Variants in NRG3 observed in about 807,000 individuals in gnomAD.
NRG3 encodes neuregulin 3.
In NRG3, 31 loss-of-function variants were observed where a neutral mutation model predicts 66.9. The observed-to-expected ratio is 0.46, with a 90% CI of 0.35 to 0.63. The LOEUF is 0.63. NRG3 is among the 20% of genes least tolerant of loss of function. NRG3 has a pLI of 0.00. For missense variants in NRG3, 910 were observed against 878.9 expected, an observed-to-expected ratio of 1.04 and a Z score of -0.45; for synonymous variants, 393 against 359.4, an observed-to-expected ratio of 1.09 and a Z score of -1.06.
intron 2 of NRG3, among the ~76,000 whole-genome samples, chr10:82,702,165 G>A (rs531424339): frequency 6.6e-6 from 1 of 152,244 alleles, no homozygotes; most frequent in South Asian, 2.1e-4. Context: ...ATCTCATCTT[G>A]TAAAAGTAAA....
chr10:82,782,769 T>C (rs2060172200), intron 3 of NRG3, among the ~76,000 whole-genome samples: 1 of 152,186 alleles, frequency 6.6e-6, no homozygotes, highest in Admixed American at 6.5e-5. Context: ...AGCTGAATTC[T>C]ACCAGAGGTA....
chr10:81,955,357 G>A (rs1032804902), intron 1 of NRG3, among the ~76,000 whole-genome samples: 1 of 151,920 alleles, frequency 6.6e-6, no homozygotes, highest in Admixed American at 6.6e-5. Context: ...CCAGTTTGAA[G>A]GCCATCAGAC....
At chr10:82,414,934 G>A (rs1409285247) in intron 2 of NRG3, among the ~76,000 whole-genome samples, 2 of 152,062 alleles carry the variant, frequency 1.3e-5, no homozygotes, top group Non-Finnish European at 2.9e-5. Context: ...TCAACTGATC[G>A]GATGAGGCTC....
intron 3 of NRG3, among the ~76,000 whole-genome samples, chr10:82,761,265 T>A (rs1360565783): frequency 6.6e-6 from 1 of 152,052 alleles, no homozygotes; most frequent in Non-Finnish European, 1.5e-5. Flanking sequence ...TCTTCAGAAA[T>A]ATCTGTGGAA....
chr10:82,748,936 A>G (rs1405143367), intron 3 of NRG3, among the ~76,000 whole-genome samples: 2 of 152,094 alleles, frequency 1.3e-5, no homozygotes, highest in East Asian at 1.9e-4. Flanking sequence ...ACAAACATTG[A>G]GAGAATCGCT....
chr10:82,223,112 G>A (rs753202849), intron 1 of NRG3, among the ~76,000 whole-genome samples: 5 of 152,076 alleles, frequency 3.3e-5, no homozygotes, highest in Admixed American at 6.6e-5. Context: ...AACAGAACCC[G>A]AAACAATTCT....
intron 3 of NRG3, among the ~76,000 whole-genome samples, chr10:82,742,276 T>C (rs1350410283): frequency 1.3e-5 from 2 of 152,148 alleles, no homozygotes; most frequent in Non-Finnish European, 2.9e-5. Context: ...TTAAATGACC[T>C]ATATTTAGGA....
intron 3 of NRG3, among the ~76,000 whole-genome samples, chr10:82,820,802 A>G (rs1398003594): frequency 6.6e-6 from 1 of 152,174 alleles, no homozygotes; most frequent in Non-Finnish European, 1.5e-5. Flanking sequence ...CTCTTAGCAT[A>G]CATTCCCTAC....
At chr10:82,031,277 G>A (rs1006269201) in intron 1 of NRG3, among the ~76,000 whole-genome samples, 1 of 152,114 alleles carries the variant, frequency 6.6e-6, no homozygotes, top group African/African-American at 2.4e-5. Flanking sequence ...TGTGTTAGGT[G>A]GACCAGGGAT....
chr10:82,524,321 G>T (rs1312843147), intron 2 of NRG3, among the ~76,000 whole-genome samples: 1 of 151,944 alleles, frequency 6.6e-6, no homozygotes, highest in Non-Finnish European at 1.5e-5. Flanking sequence ...ACTACTTAAA[G>T]GGTAATTTAT....
chr10:82,428,311 A>G (rs540066212), intron 2 of NRG3, among the ~76,000 whole-genome samples: 1 of 152,008 alleles, frequency 6.6e-6, no homozygotes, highest in African/African-American at 2.4e-5. Context: ...CTTTTTTAAT[A>G]TAGGCATTTG....
intron 1 of NRG3, among the ~76,000 whole-genome samples, chr10:81,883,550 T>C (rs1286016544): frequency 6.6e-6 from 1 of 152,182 alleles, no homozygotes; most frequent in Non-Finnish European, 1.5e-5. Context: ...GTGTGTATCA[T>C]GGATGCAATA....
intron 2 of NRG3, among the ~76,000 whole-genome samples, chr10:82,713,119 CAAAAAAAA>C (rs369968319): frequency 9.0e-5 from 5 of 55,344 alleles, no homozygotes; most frequent in African/African-American, 1.5e-4. Context: ...GACTTCATCT[CAAAAAAAA>C]AAAAAAAAAA....
At chr10:82,106,751 C>T (rs1459434868) in intron 1 of NRG3, among the ~76,000 whole-genome samples, 2 of 152,106 alleles carry the variant, frequency 1.3e-5, no homozygotes, top group East Asian at 3.9e-4. Flanking sequence ...AATGATCCGC[C>T]TGCCTCGGCC....
rs571433933 is a variant in NRG3 at position 82,536,190 on chromosome 10, A to G, written c.953+177322A>G. The stretch of plus-strand genomic sequence containing the variant: ...CAAAGCAGACCTATCACTCAGCAAG[A>G]TTTTTTAACACTATTTTCATGAAGT... On this transcript the variant is annotated intron_variant, in intron 2 of 8. Coordinates refer to ENST00000372141, the MANE Select transcript of NRG3 (RefSeq NM_001010848.4). 4.1e-3 allele frequency among the ~76,000 whole-genome samples: 631 copies of G among 152,252 alleles called. 4 individuals are homozygous for G. The highest frequency in any genetic ancestry group is 6.8e-3 in the Middle Eastern group (2 of 294).
intron 1 of NRG3, among the ~76,000 whole-genome samples, chr10:82,327,286 G>C (rs568286233): frequency 7.2e-5 from 11 of 152,276 alleles, no homozygotes; most frequent in African/African-American, 2.6e-4. Context: ...GGACCAGGTG[G>C]ATGCTGTCAG....
chr10:82,113,428 A>C (rs1258746509), intron 1 of NRG3, among the ~76,000 whole-genome samples: 1 of 152,186 alleles, frequency 6.6e-6, no homozygotes, highest in Non-Finnish European at 1.5e-5. Context: ...CTGTGTGTTC[A>C]GAGATGGTGT....
intron 1 of NRG3, among the ~76,000 whole-genome samples, chr10:82,004,013 AC>A (rs2061280683): frequency 6.6e-6 from 1 of 151,142 alleles, no homozygotes; most frequent in African/African-American, 2.4e-5. Context: ...ACACACACAC[AC>A]ACACACACAC....
chr10:82,293,542 G>T (rs76164205), intron 1 of NRG3, among the ~76,000 whole-genome samples: 2,764 of 152,234 alleles, frequency 0.018, 33 homozygotes, highest in Non-Finnish European at 0.026. Flanking sequence ...TATGGGAATT[G>T]TGAATTATAT....
Sources: gnomAD v4.1 joint callset for allele counts (sites outside exome capture counted in the v4.1 genomes callset) on GRCh38, gnomAD v4.1.1 for gene constraint, MANE v1.5 for transcripts, NCBI Gene and HGNC (gene_info 2026-07-23, HGNC 2026-07-21) for gene names.